PLCH2: variants seen among roughly 807,000 people sequenced by gnomAD.
The protein encoded by PLCH2 is 1-phosphatidylinositol 4,5-bisphosphate phosphodiesterase eta-2.
PLCH2 carries 98 observed loss-of-function variants against 134.7 expected under a neutral mutation model. The ratio of observed to expected loss-of-function variants is 0.73; its 90% CI spans 0.62 to 0.86. PLCH2 has a LOEUF of 0.86. Ranked by LOEUF, PLCH2 falls within the 40% of genes least tolerant of loss-of-function variation. The pLI, the probability that PLCH2 is intolerant of heterozygous loss-of-function variation, is 0.00. For synonymous variants in PLCH2, 974 were observed against 827.5 expected (o/e 1.18, Z -3.04); for missense variants, 1,994 against 1,986.6 (o/e 1.00, Z -0.07).
At chr1:2,491,461 C>A (rs540924537) in intron 11 of PLCH2, 126 bp downstream of exon 11, 2 of 958,554 alleles carry the variant, frequency 2.1e-6, no homozygotes, top group Admixed American at 4.4e-5. Context: ...CAAATCTGCA[C>A]ACAAGCATAC....
chr1:2,472,206 GA>G (rs1641356464), upstream of PLCH2, among the ~76,000 whole-genome samples: 1 of 152,204 alleles, frequency 6.6e-6, no homozygotes, highest in Non-Finnish European at 1.5e-5. Flanking sequence ...CGTGCGGGGG[GA>G]CAAGTGGCTT....
At chr1:2,429,090 G>A (rs1292039690) in intron 1 of PLCH2, among the ~76,000 whole-genome samples, 2 of 152,192 alleles carry the variant, frequency 1.3e-5, no homozygotes, top group Non-Finnish European at 2.9e-5. Flanking sequence ...GGTGTGCAGG[G>A]TGAGGGGACA....
chr1:2,426,199 C>T (rs1477008543), intron 1 of PLCH2, among the ~76,000 whole-genome samples: 6 of 152,168 alleles, frequency 3.9e-5, no homozygotes, highest in East Asian at 3.9e-4. Context: ...GATGTCAGCG[C>T]GGGGAAGGGA....
rs1328981106 is a variant in PLCH2, at chr1:2,498,761, G to A, written c.2367G>A (p.Val789=). ...TGTCCCAGATCATCGACCCCTTTGT[G>A]GAGGTGGAGATCATTGGGCTCCCTG... ...GDRGEIIDPF[V]EVEIIGLPVD... Residue 789 remains valine (V), a synonymous_variant, in exon 18 of 22, where the codon GTG becomes GTA. Transcript: ENST00000378486. This position sits in a 1 kb window ranked among gnomAD's most constrained non-coding sequence, Gnocchi z 5.4. 1 of 1,610,880 alleles carries A rather than the reference G, an allele frequency of 6.2e-7. No homozygotes were observed. The highest frequency in any genetic ancestry group is 2.2e-5 in the East Asian group (1 of 44,812).
At chr1:2,483,263 C>T (rs997139352) in intron 4 of PLCH2, among the ~76,000 whole-genome samples, 90 of 152,170 alleles carry the variant, frequency 5.9e-4, no homozygotes, top group Non-Finnish European at 1.0e-3. Context: ...AGGCGCAGGG[C>T]GGAACCCTGC....
intron 5 of PLCH2, among the ~76,000 whole-genome samples, chr1:2,485,175 GA>G (rs1170253453): frequency 6.6e-6 from 1 of 152,182 alleles, no homozygotes; most frequent in Non-Finnish European, 1.5e-5. Context: ...CCTTTATCTA[GA>G]CCCCAAGAAA....
chr1:2,480,290 A>G lies in PLCH2; in HGVS notation c.623A>G (p.Gln208Arg). 6.2e-7 allele frequency: 1 copy of G among 1,612,614 alleles called. No homozygotes were observed. The highest frequency in any genetic ancestry group is 1.1e-5 in the South Asian group (1 of 91,070). The change falls in exon 4 of 22, where the codon CAG (glutamine) becomes CGG (arginine). Residue 208 changes from glutamine to arginine, a missense_variant. Physicochemically the swap from Gln to Arg is conservative, Grantham distance 43. Transcript: ENST00000378486. ...AAGCTCAACGTGAACCTGCCCCGGC[A>G]GAGGGTGAAGCAGATGTTCAGGGTG... is the stretch of plus-strand genomic sequence containing the variant. ...LHKLNVNLPR[Q>R]RVKQMFREAD...
Position 2,504,865 on chromosome 1 carries a change from G to A in PLCH2, c.3903G>A (p.Glu1301=). ...GGGTGAGACGGGACACCCTGACAGA[G>A]CAGCTGCGCTGGCTCACTGTCTTCC... The part of the protein sequence containing the change: ...GPGVRRDTLT[E]QLRWLTVFQQ... The change falls in exon 22 of 22, where the codon GAG becomes GAA. Residue 1301 remains glutamate, a synonymous_variant. Transcript: ENST00000378486. The A allele has an allele frequency of 1.3e-6, 2 of 1,597,248 alleles. No homozygotes were observed. Among genetic ancestry groups the A allele is most frequent in the Non-Finnish European group, 8.5e-7 (1 of 1,171,874 alleles).
At chr1:2,462,635 T>C (rs4648635), upstream of PLCH2, among the ~76,000 whole-genome samples, 86,372 of 151,894 alleles carry the variant, frequency 0.57, 25,334 homozygotes, top group East Asian at 0.87. Context: ...AGCCAGGCGA[T>C]GTGCTCCTCT....
chr1:2,416,867 C>T, the PLCH2 span, among the ~76,000 whole-genome samples: 653 of 152,200 alleles, frequency 4.3e-3, 3 homozygotes, highest in Middle Eastern at 0.024. Context: ...CTGTGTTGGC[C>T]GGGGACCAGC....
chr1:2,469,610 C>T (rs904815673), intron 1 of PLCH2, among the ~76,000 whole-genome samples: 8 of 152,044 alleles, frequency 5.3e-5, no homozygotes, highest in South Asian at 2.1e-4. Context: ...CTCTCAGGGA[C>T]CCAGGCCCAG....
rs887866694 is a variant in PLCH2 at position 2,439,259 on chromosome 1, T to A, written c.115+8630T>A. 5.3e-5 allele frequency among the ~76,000 whole-genome samples: 8 copies of A among 152,148 alleles called. No homozygotes were observed. The highest frequency in any genetic ancestry group is 2.6e-4 in the Admixed American group (4 of 15,298). Reference sequence around the variant, plus strand: ...AAGACCTTTGGCCCCCCCGAGGGTGTCCTCACCCTTCTCGCTGGCACCAGC... The same window carrying A: ...AAGACCTTTGGCCCCCCCGAGGGTGACCTCACCCTTCTCGCTGGCACCAGC... On this transcript the variant is annotated intron_variant, in intron 2 of 3. Transcript: ENST00000609981. The surrounding 1 kb of genome is among the most constrained non-coding windows in gnomAD (Gnocchi z 4.7).
In PLCH2 at chr1:2,495,451, A is replaced by G. The variant is rs1475250256; in HGVS notation, c.1753-37A>G. The G allele has an allele frequency of 4.6e-6, 7 of 1,536,346 alleles. No homozygotes were observed. In the African/African-American group the frequency reaches 9.6e-5, roughly 21 times the overall value. ...CCTTCGCCAAGGCCTGGCCTGGGCC[A>G]GAGGCCCTACAGCTCACACCTCTGC... On this transcript the variant is annotated intron_variant, in intron 12 of 21. Transcript: ENST00000378486.
upstream of PLCH2, among the ~76,000 whole-genome samples, chr1:2,473,817 G>A (rs368820128): frequency 1.4e-4 from 22 of 152,328 alleles, no homozygotes; most frequent in South Asian, 1.0e-3. Flanking sequence ...TCTCCCCGAC[G>A]GAGCCTATAT....
At chr1:2,450,978 G>A (rs570133446) in intron 2 of PLCH2, among the ~76,000 whole-genome samples, 2 of 151,758 alleles carry the variant, frequency 1.3e-5, no homozygotes, top group Non-Finnish European at 2.9e-5. Flanking sequence ...GGGACAGCTC[G>A]GCAGTGGGAC....
intron 21 of PLCH2, chr1:2,502,829 G>A: frequency 1.4e-6 from 1 of 717,182 alleles, no homozygotes. Context: ...CAGGCAACCG[G>A]GGGCCCTGCA....
At chr1:2,487,139 G>C (rs1007441452) in intron 6 of PLCH2, 34 bp from the exon 7 acceptor site, 2 of 1,535,334 alleles carry the variant, frequency 1.3e-6, no homozygotes, top group Non-Finnish European at 1.8e-6. Flanking sequence ...CTGGTGGTGG[G>C]CTGACATGGC....
At chr1:2,425,428 A>G (rs1638744717), upstream of PLCH2, among the ~76,000 whole-genome samples, 3 of 152,208 alleles carry the variant, frequency 2.0e-5, no homozygotes, top group African/African-American at 7.2e-5. Context: ...GGCAGTGGAC[A>G]TGGAAATGCA....
chr1:2,504,502 G>GC lies in PLCH2; in HGVS notation c.3546dup (p.Arg1183GlnfsTer35), dbSNP rs750666654. Reference sequence around the variant, plus strand: ...TCGCTGGAGCCCACATGGGACGCCTGCCCCCCAGGCCCCACTCGGCTTCGG... The same window carrying GC: ...TCGCTGGAGCCCACATGGGACGCCTGCCCCCCCAGGCCCCACTCGGCTTCGG... On this transcript the variant is annotated frameshift_variant, in exon 22 of 22. Coordinates refer to ENST00000378486, the MANE Select transcript of PLCH2 (RefSeq NM_014638.4). LOFTEE classifies it high-confidence loss of function. 17 of 1,612,208 alleles carry GC rather than the reference G, an allele frequency of 1.1e-5. No individual in the cohort carries two copies. The African/African-American group carries it at 2.1e-4, about 20-fold the overall frequency.
Sources: gnomAD v4.1 joint callset for allele counts (sites outside exome capture counted in the v4.1 genomes callset) on GRCh38, gnomAD v4.1.1 for gene constraint, Gnocchi (gnomAD v3.1) non-coding constraint, MANE v1.5 for transcripts, NCBI Gene and HGNC (gene_info 2026-07-23, HGNC 2026-07-21) for gene names.